The following CDH18 variants were observed in gnomAD, a reference collection of about 807,000 sequenced individuals.
CDH18 encodes the protein cadherin 18, also known as cadherin-18.
A neutral mutation model predicts 67.9 loss-of-function variants in CDH18; 31 were observed. The ratio of observed to expected loss-of-function variants is 0.46; its 90% confidence interval spans 0.34 to 0.62. The LOEUF is 0.62. Ranked by LOEUF, CDH18 falls within the 20% of genes least tolerant of loss-of-function variation. The pLI is 0.01. For synonymous variants in CDH18, 362 were observed against 347.2 expected (o/e 1.04, Z -0.48); for missense variants, 890 against 975.5 (o/e 0.91, Z 1.17).
intron 2 of CDH18, among the ~76,000 whole-genome samples, chr5:20,132,101 C>T (rs1749318771): frequency 6.6e-6 from 1 of 152,056 alleles, no homozygotes; most frequent in Non-Finnish European, 1.5e-5. Context: ...GTTGACCAGG[C>T]TGGTGCCCAA....
chr5:19,925,431 C>T (rs569212512), intron 2 of CDH18, among the ~76,000 whole-genome samples: 14 of 152,020 alleles, frequency 9.2e-5, no homozygotes, highest in African/African-American at 1.2e-4. Context: ...TACTGTGATC[C>T]GCAATTTATT....
intron 3 of CDH18, among the ~76,000 whole-genome samples, chr5:19,832,624 T>C (rs1386049787): frequency 6.6e-6 from 1 of 152,176 alleles, no homozygotes; most frequent in Non-Finnish European, 1.5e-5. Context: ...CTATATGGTA[T>C]TGCTTAGGTT....
intron 11 of CDH18, among the ~76,000 whole-genome samples, chr5:19,495,515 C>G (rs1195992086): frequency 2.6e-5 from 4 of 151,796 alleles, no homozygotes; most frequent in African/African-American, 9.7e-5. Context: ...CCGAGATGGG[C>G]AGATCACCTG....
intron 1 of CDH18, among the ~76,000 whole-genome samples, chr5:20,575,025 A>C (rs1332275152): frequency 6.6e-6 from 1 of 152,128 alleles, no homozygotes; most frequent in African/African-American, 2.4e-5. Flanking sequence ...ATATGATAGC[A>C]TCTACGTCTG....
At position 19,593,707 on chromosome 5, in the gene CDH18, C is replaced by CCTCCTCCTTCTTCTTCTTCTTCTT; in HGVS notation, c.812-2464_812-2463insAAGAAGAAGAAGAAGAAGGAGGAG. 3.4e-3 allele frequency among the ~76,000 whole-genome samples: 112 copies of CCTCCTCCTTCTTCTTCTTCTTCTT among 33,344 alleles called. 1 individual carries two copies. Among genetic ancestry groups the CCTCCTCCTTCTTCTTCTTCTTCTT allele is most frequent in the African/African-American group, 0.012 (101 of 8,564 alleles). The allele number at this position is 33,344 out of a possible 152,430, so 21.9% of individuals were successfully genotyped here. Reference sequence around the variant, plus strand: ...TCCTTCTCTTCCTCTTCCTCCTCCTCCTTCTTCTTCTTCTTCTTCTTCTTC... The same window carrying CCTCCTCCTTCTTCTTCTTCTTCTT: ...TCCTTCTCTTCCTCTTCCTCCTCCTCCTCCTCCTTCTTCTTCTTCTTCTTCTTCTTCTTCTTCTTCTTCTTCTTC... On this transcript the variant is annotated intron_variant, in intron 6 of 12. Transcript: ENST00000382275.
intron 1 of CDH18, among the ~76,000 whole-genome samples, chr5:20,368,243 A>G (rs1160389609): frequency 2.0e-5 from 3 of 152,206 alleles, no homozygotes; most frequent in Non-Finnish European, 4.4e-5. Flanking sequence ...AGGATGAAAT[A>G]GCTTGGTGAG....
intron 6 of CDH18, among the ~76,000 whole-genome samples, chr5:19,606,546 T>A (rs1748075000): frequency 6.6e-6 from 1 of 151,950 alleles, no homozygotes; most frequent in South Asian, 2.1e-4. Flanking sequence ...ATATATTTAA[T>A]AGATGGGTTT....
intron 5 of CDH18, among the ~76,000 whole-genome samples, chr5:19,692,448 C>G (rs1175818175): frequency 6.6e-6 from 1 of 151,938 alleles, no homozygotes; most frequent in Non-Finnish European, 1.5e-5. Flanking sequence ...AAGAGACAAC[C>G]TGTTTAATAG....
intron 1 of CDH18, among the ~76,000 whole-genome samples, chr5:20,462,595 A>G (rs952856297): frequency 5.9e-5 from 9 of 152,334 alleles, no homozygotes; most frequent in Non-Finnish European, 7.4e-5. Flanking sequence ...GTATCAAACT[A>G]TCATTTTTTA....
intron 1 of CDH18, among the ~76,000 whole-genome samples, chr5:20,573,153 A>G (rs1203996866): frequency 6.6e-6 from 1 of 151,896 alleles, no homozygotes; most frequent in Non-Finnish European, 1.5e-5. Flanking sequence ...AAAACAAAAA[A>G]GAGAATCAAA....
Position 20,502,187 on chromosome 5 carries a change from A to G in CDH18, c.-580+73275T>C, listed in dbSNP as rs1458811349. On this transcript the variant is annotated intron_variant, in intron 1 of 14. Transcript: ENST00000507958. ...AATGAAGGTGTGCTTTCTATTTCAC[A>G]TAATTCTTTTTGAACTATTCCAAGG... is the stretch of plus-strand genomic sequence containing the variant. Among the ~76,000 whole-genome samples the G allele has an allele frequency of 2.0e-5, 3 of 152,166 alleles. No individual in the cohort carries two copies. In the East Asian group the frequency reaches 5.8e-4, roughly 29 times the overall value.
At chr5:20,572,812 T>C (rs1225649222) in intron 1 of CDH18, among the ~76,000 whole-genome samples, 2 of 152,148 alleles carry the variant, frequency 1.3e-5, no homozygotes, top group Non-Finnish European at 2.9e-5. Flanking sequence ...TGTGATACTA[T>C]GGAAGCAAAT....
chr5:20,336,724 CAAAAAAAAAAAAAAAAAAAA>C (rs59083214), intron 1 of CDH18, among the ~76,000 whole-genome samples: 5 of 63,480 alleles, frequency 7.9e-5, no homozygotes, highest in African/African-American at 3.5e-4. Flanking sequence ...GCCTCTGTCT[CAAAAAAAAAAAAAAAAAAAA>C]AAAAAAAAAA....
chr5:20,005,546 C>CTA (rs1055316313), intron 2 of CDH18, among the ~76,000 whole-genome samples: 13 of 150,590 alleles, frequency 8.6e-5, no homozygotes, highest in Admixed American at 2.7e-4. Context: ...TCAACAATTT[C>CTA]TATATATATA....
intron 2 of CDH18, among the ~76,000 whole-genome samples, chr5:20,007,886 C>A (rs1185810714): frequency 6.6e-6 from 1 of 152,096 alleles, no homozygotes; most frequent in Non-Finnish European, 1.5e-5. Flanking sequence ...CACAGTCAGG[C>A]CCACTTGATT....
intron 1 of CDH18, among the ~76,000 whole-genome samples, chr5:20,286,065 G>C (rs527877733): frequency 6.6e-6 from 1 of 151,436 alleles, no homozygotes; most frequent in African/African-American, 2.4e-5. Flanking sequence ...ATTTGCTTTG[G>C]ATAAAAGTTT....
intron 2 of CDH18, among the ~76,000 whole-genome samples, chr5:20,046,695 T>C (rs1459618521): frequency 1.3e-5 from 2 of 150,288 alleles, no homozygotes; most frequent in East Asian, 3.9e-4. Context: ...TATCTCTATA[T>C]ATATATAATC....
At chr5:20,250,591 T>C (rs1298788610) in intron 2 of CDH18, among the ~76,000 whole-genome samples, 3 of 27,158 alleles carry the variant, frequency 1.1e-4, no homozygotes, top group Admixed American at 5.2e-4. Flanking sequence ...GCCCATGGCT[T>C]TTTTTTTTTT....
chr5:20,079,105 C>T (rs1486460632), intron 2 of CDH18, among the ~76,000 whole-genome samples: 1 of 152,064 alleles, frequency 6.6e-6, no homozygotes. Context: ...TTTGAATGTA[C>T]AATCCACTAT....
Sources: gnomAD v4.1 joint callset for allele counts (sites outside exome capture counted in the v4.1 genomes callset) on GRCh38, gnomAD v4.1.1 for gene constraint, MANE v1.5 for transcripts, NCBI Gene and HGNC (gene_info 2026-07-23, HGNC 2026-07-21) for gene names.